ST7L: variants seen among roughly 807,000 people sequenced by gnomAD.
ST7L encodes the protein suppression of tumorigenicity 7 like.
In ST7L, 57 loss-of-function variants were observed where a neutral mutation model predicts 72.5. That is an observed-to-expected ratio of 0.79 (90% confidence interval 0.64 to 0.98). ST7L has a LOEUF of 0.98. Among genes scored for constraint, ST7L ranks in the 50% least tolerant of loss-of-function variants. The pLI is 0.00. For missense variants in ST7L, 576 were observed against 672.2 expected (o/e 0.86, Z 1.58); for synonymous variants, 221 against 240.9 (o/e 0.92, Z 0.77).
intron 3 of ST7L, among the ~76,000 whole-genome samples, chr1:112,605,114 G>A (rs1284955377): frequency 2.7e-5 from 4 of 145,890 alleles, no homozygotes; most frequent in East Asian, 4.0e-4. Context: ...AAAAAGGGCC[G>A]GGCATGGTAG....
In ST7L at chr1:112,600,781, C is replaced by CAA; in HGVS notation, c.506+11_506+12dup. ...ACCAATGCCCTACTTATACTGAAAG[C>CAA]AAAATGTAATACCTCCTATATTCTG... is the stretch of plus-strand genomic sequence containing the variant. On this transcript the variant is annotated intron_variant, in intron 4 of 14. Transcript: ENST00000358039. The CAA allele has an allele frequency of 6.2e-7, 1 of 1,607,492 alleles. No homozygotes were observed. The highest frequency in any genetic ancestry group is 2.2e-5 in the East Asian group (1 of 44,750).
At chr1:112,566,294 C>CTTTTTTTTTTTTTTTTTTTT (rs33915951) in intron 11 of ST7L, among the ~76,000 whole-genome samples, 4 of 108,974 alleles carry the variant, frequency 3.7e-5, no homozygotes, top group Non-Finnish European at 5.2e-5. Flanking sequence ...TTTTCTTCTT[C>CTTTTTTTTTTTTTTTTTTTT]TTCTTTTTTT....
intron 11 of ST7L, among the ~76,000 whole-genome samples, chr1:112,572,276 G>A (rs1354820220): frequency 6.6e-6 from 1 of 152,154 alleles, no homozygotes; most frequent in African/African-American, 2.4e-5. Context: ...TTTTTGGAAT[G>A]GTAAGTAAGC....
intron 9 of ST7L, among the ~76,000 whole-genome samples, chr1:112,581,503 A>G (rs1242618917): frequency 1.3e-5 from 2 of 151,042 alleles, no homozygotes; most frequent in Non-Finnish European, 2.9e-5. Context: ...GGTTCAAGTG[A>G]TCCTCCCACC....
At chr1:112,521,865 T>C (rs1409596766), downstream of ST7L, 1 of 152,176 alleles carries the variant, frequency 6.6e-6, no homozygotes, top group African/African-American at 2.4e-5. Context: ...TGCCTGTTGA[T>C]ATCTTAAAGC....
At chr1:112,577,148 A>C in intron 10 of ST7L, 60 bp from the exon 11 acceptor site, 1 of 1,187,348 alleles carries the variant, frequency 8.4e-7, no homozygotes, top group Non-Finnish European at 1.2e-6. Context: ...AAAAGTATGA[A>C]TTTAGATAAT....
intron 11 of ST7L, among the ~76,000 whole-genome samples, chr1:112,562,635 A>G (rs1660359726): frequency 6.6e-6 from 1 of 152,184 alleles, no homozygotes; most frequent in African/African-American, 2.4e-5. Context: ...GGCATGACCA[A>G]TCCAGGGAAC....
chr1:112,540,331 C>T, intron 14 of ST7L: 1 of 985,416 alleles, frequency 1.0e-6, no homozygotes, highest in Non-Finnish European at 1.2e-6. Context: ...ATGGAATTCT[C>T]TTTCTAGGCC....
intron 13 of ST7L, among the ~76,000 whole-genome samples, chr1:112,549,968 A>T (rs981717764): frequency 6.6e-6 from 1 of 152,124 alleles, no homozygotes; most frequent in Non-Finnish European, 1.5e-5. Flanking sequence ...AGTACCCTTC[A>T]ATTTGTAGTT....
intron 3 of ST7L, among the ~76,000 whole-genome samples, chr1:112,603,679 T>C (rs1667776953): frequency 6.6e-6 from 1 of 152,212 alleles, no homozygotes; most frequent in South Asian, 2.1e-4. Flanking sequence ...TACCATTGAC[T>C]GTGTGGCTTA....
chr1:112,583,936 C>T, intron 7 of ST7L, 36 bp downstream of exon 7: 1 of 1,590,686 alleles, frequency 6.3e-7, no homozygotes, highest in Non-Finnish European at 8.5e-7. Context: ...ATTACAGATG[C>T]TAAAAGACAG....
At chr1:112,616,320 T>C (rs1299592878) in intron 2 of ST7L, among the ~76,000 whole-genome samples, 1 of 152,210 alleles carries the variant, frequency 6.6e-6, no homozygotes, top group East Asian at 1.9e-4. Context: ...ACTGTCAATC[T>C]CTTAAAAGTA....
chr1:112,566,592 T>C (rs1360801712), intron 11 of ST7L, among the ~76,000 whole-genome samples: 1 of 152,150 alleles, frequency 6.6e-6, no homozygotes, highest in Admixed American at 6.5e-5. Flanking sequence ...CCACTGCGCC[T>C]GGCCATCAAA....
At chr1:112,591,428 G>T in intron 6 of ST7L, 97 bp downstream of exon 6, 2 of 951,818 alleles carry the variant, frequency 2.1e-6, no homozygotes, top group South Asian at 1.7e-5. Flanking sequence ...AATGACTAAT[G>T]ACTCCAAGTG....
intron 9 of ST7L, among the ~76,000 whole-genome samples, chr1:112,581,452 ACAGTGGTG>A (rs1404379149): frequency 1.3e-5 from 2 of 148,810 alleles, no homozygotes; most frequent in Non-Finnish European, 3.0e-5. Flanking sequence ...AGGCTGGACT[ACAGTGGTG>A]CAGTCACAGC....
intron 6 of ST7L, among the ~76,000 whole-genome samples, chr1:112,588,896 A>T (rs1009114036): frequency 2.6e-5 from 4 of 152,150 alleles, no homozygotes; most frequent in African/African-American, 9.7e-5. Flanking sequence ...ATAGCATCCT[A>T]CAGTTCTCTC....
chr1:112,593,443 C>T (rs554238702), intron 5 of ST7L, among the ~76,000 whole-genome samples: 47 of 152,156 alleles, frequency 3.1e-4, no homozygotes, highest in Middle Eastern at 3.4e-3. Flanking sequence ...AAATAACATT[C>T]TAATAAGCTA....
At chr1:112,546,310 C>A (rs1657050828) in intron 13 of ST7L, among the ~76,000 whole-genome samples, 1 of 125,622 alleles carries the variant, frequency 8.0e-6, no homozygotes, top group Non-Finnish European at 1.7e-5. Flanking sequence ...CAGTGAAATC[C>A]TAACTCAAAA....
In ST7L at chr1:112,525,168, G is replaced by T. The variant is rs1002711909; in HGVS notation, c.*845C>A. 1.3e-5 allele frequency: 2 copies of T among 152,192 alleles called. No homozygotes were observed. The highest frequency in any genetic ancestry group is 4.8e-5 in the African/African-American group (2 of 41,408). 9.4% of individuals were successfully genotyped at this position (152,192 alleles called of 1,614,324 possible). On this transcript the variant is annotated 3_prime_UTR_variant, in exon 15 of 15. Transcript: ENST00000358039. The stretch of plus-strand genomic sequence containing the variant: ...GAGCAGTCTCCTATGACTGCATGGG[G>T]TATAACTGCCAAGCCTACTGCTCAT...
Sources: gnomAD v4.1 joint callset for allele counts (sites outside exome capture counted in the v4.1 genomes callset) on GRCh38, gnomAD v4.1.1 for gene constraint, MANE v1.5 for transcripts, NCBI Gene and HGNC (gene_info 2026-07-23, HGNC 2026-07-21) for gene names.